Variants in BFSP2 observed in about 807,000 individuals in gnomAD.
The protein encoded by BFSP2 is beaded filament structural protein 2, also known as phakinin.
BFSP2 carries 38 observed loss-of-function variants against 44.9 expected under a neutral mutation model. That is an observed-to-expected ratio of 0.85 (90% CI 0.65 to 1.11). The LOEUF is 1.11. BFSP2 is among the 50% of genes least tolerant of loss of function. The pLI, the probability that BFSP2 is intolerant of heterozygous loss-of-function variation, is 0.00. For missense variants in BFSP2, 525 were observed against 533.0 expected (o/e 0.99, Z 0.15); for synonymous variants, 197 against 209.9 (o/e 0.94, Z 0.53).
At chr3:133,462,514 A>G (rs975377120) in intron 4 of BFSP2, among the ~76,000 whole-genome samples, 3 of 152,190 alleles carry the variant, frequency 2.0e-5, no homozygotes, top group Admixed American at 1.3e-4. Flanking sequence ...AAGGCTTTGA[A>G]ACTTGCCTCC....
chr3:133,452,654 G>A (rs1175689377), intron 4 of BFSP2, among the ~76,000 whole-genome samples: 1 of 152,122 alleles, frequency 6.6e-6, no homozygotes, highest in African/African-American at 2.4e-5. Flanking sequence ...GACTTCCCAC[G>A]ATCACACAGC....
intron 1 of BFSP2, among the ~76,000 whole-genome samples, chr3:133,440,737 C>T (rs1001186869): frequency 6.6e-6 from 1 of 152,168 alleles, no homozygotes; most frequent in African/African-American, 2.4e-5. Context: ...GTTTGCCCAA[C>T]AATGGCAAAT....
At chr3:133,415,371 A>G (rs1159213410) in intron 1 of BFSP2, among the ~76,000 whole-genome samples, 138 of 7,606 alleles carry the variant, frequency 0.018, 1 homozygote, top group East Asian at 0.028. Flanking sequence ...CCTCTACTCA[A>G]CCCTGCCCTC....
rs2073926308 is a variant in BFSP2, at chr3:133,448,627, A to G, written c.711A>G (p.Leu237=). ...IESLKEELGS[L]SRNYEEDVKL... is the part of the protein sequence containing the mutation. ...GTCTGAAAGAAGAACTTGGCTCTCT[A>G]TCAAGAAACTATGAAGAGGTAGGAG... The change falls in exon 3 of 7, where the codon CTA becomes CTG. Residue 237 remains leucine, a synonymous_variant. Transcript: ENST00000302334. The G allele has an allele frequency of 1.2e-6, 2 of 1,613,846 alleles. No individual in the cohort carries two copies. Among genetic ancestry groups the G allele is most frequent in the African/African-American group, 1.3e-5 (1 of 74,930 alleles).
At chr3:133,461,178 G>A (rs773806510) in intron 4 of BFSP2, among the ~76,000 whole-genome samples, 2 of 152,136 alleles carry the variant, frequency 1.3e-5, no homozygotes, top group Non-Finnish European at 2.9e-5. Context: ...CTTGGAGATG[G>A]TTCTTTTCCT....
At chr3:133,472,315 C>A (rs772862307) in intron 5 of BFSP2, 30 bp from the exon 6 acceptor site, 5 of 1,593,200 alleles carry the variant, frequency 3.1e-6, no homozygotes, top group East Asian at 4.5e-5. Flanking sequence ...CTGTTGTCCT[C>A]GGGTTTGGAC....
chr3:133,445,422 G>A (rs1425590716), intron 1 of BFSP2: 9 of 152,204 alleles, frequency 5.9e-5, no homozygotes, highest in Admixed American at 4.6e-4. Context: ...GATTCTGATA[G>A]GTCCATCTGA....
At chr3:133,417,714 C>A (rs2073554283) in intron 1 of BFSP2, among the ~76,000 whole-genome samples, 1 of 147,002 alleles carries the variant, frequency 6.8e-6, no homozygotes, top group Non-Finnish European at 1.5e-5. Flanking sequence ...CTACTCACCC[C>A]TGCCATCTCC....
At chr3:133,403,559 A>G (rs1193717190) in intron 1 of BFSP2, among the ~76,000 whole-genome samples, 1 of 152,234 alleles carries the variant, frequency 6.6e-6, no homozygotes, top group African/African-American at 2.4e-5. Context: ...TCAGTCACTC[A>G]ATAGCACGGT....
Position 133,472,951 on chromosome 3 carries a change from C to CTT in BFSP2, c.1244+399_1244+400dup, listed in dbSNP as rs745554127. ...AATGTGCACTCAAAACCCTGCGCAT[C>CTT]TTTTTTTTTTTTTTGGATACAGGGT... On this transcript the variant is annotated intron_variant, in intron 6 of 6. Transcript: ENST00000302334. 3.5e-3 allele frequency among the ~76,000 whole-genome samples: 499 copies of CTT among 142,114 alleles called. 5 individuals are homozygous for CTT. Among genetic ancestry groups the CTT allele is most frequent in the African/African-American group, 9.5e-3 (369 of 38,906 alleles). 93.2% of individuals were successfully genotyped at this position (142,114 alleles called of 152,430 possible). A position where few individuals can be genotyped will look rare whatever the true frequency, so the allele number is the denominator to read the frequency against.
At position 133,418,838 on chromosome 3, in the gene BFSP2, G is replaced by A. The variant is rs542233950; in HGVS notation, c.489+18266G>A. ...GCCTCTGATATGACCCTTGTGTTGC[G>A]TGACGTCTGCAAACGTTAACAAGAA... is the stretch of plus-strand genomic sequence containing the variant. On this transcript the variant is annotated intron_variant, in intron 1 of 6. Transcript: ENST00000302334. Among the ~76,000 whole-genome samples, 145 of 152,280 alleles carry A rather than the reference G, an allele frequency of 9.5e-4. 1 individual carries two copies. Among genetic ancestry groups the A allele is most frequent in the African/African-American group, 3.2e-3 (131 of 41,544 alleles).
intron 4 of BFSP2, among the ~76,000 whole-genome samples, chr3:133,460,618 T>C (rs1176075684): frequency 6.6e-6 from 1 of 152,198 alleles, no homozygotes; most frequent in Non-Finnish European, 1.5e-5. Flanking sequence ...GAGAGGCCTT[T>C]GTCCCCGGGG....
At chr3:133,422,457 T>A (rs1302473734) in intron 1 of BFSP2, among the ~76,000 whole-genome samples, 3 of 152,180 alleles carry the variant, frequency 2.0e-5, no homozygotes, top group Non-Finnish European at 4.4e-5. Flanking sequence ...CACTTCTGTG[T>A]ACCCTGAGAT....
At chr3:133,403,967 C>G (rs1311855275) in intron 1 of BFSP2, among the ~76,000 whole-genome samples, 2 of 146,904 alleles carry the variant, frequency 1.4e-5, no homozygotes, top group Non-Finnish European at 3.0e-5. Flanking sequence ...CACACCATGG[C>G]AGAATCAGGA....
chr3:133,457,695 T>G (rs1375854298), intron 4 of BFSP2, among the ~76,000 whole-genome samples: 1 of 152,242 alleles, frequency 6.6e-6, no homozygotes, highest in East Asian at 1.9e-4. Context: ...AATAAAGTTT[T>G]ATTGGAACAT....
At chr3:133,453,304 T>C (rs904992618) in intron 4 of BFSP2, among the ~76,000 whole-genome samples, 3 of 152,232 alleles carry the variant, frequency 2.0e-5, no homozygotes, top group African/African-American at 7.2e-5. Flanking sequence ...CACACAGCTT[T>C]CAAAAGCTTT....
chr3:133,420,000 C>T (rs897881405), intron 1 of BFSP2, among the ~76,000 whole-genome samples: 14 of 152,348 alleles, frequency 9.2e-5, no homozygotes, highest in African/African-American at 3.4e-4. Flanking sequence ...CCCCTGCCCC[C>T]GACAGGGGCG....
At chr3:133,469,767 G>T (rs1436307249) in intron 5 of BFSP2, among the ~76,000 whole-genome samples, 4 of 152,240 alleles carry the variant, frequency 2.6e-5, no homozygotes, top group Non-Finnish European at 5.9e-5. Flanking sequence ...GGACTTAGGT[G>T]GGGAAGCTGG....
intron 4 of BFSP2, among the ~76,000 whole-genome samples, chr3:133,456,296 G>A (rs191412183): frequency 6.6e-6 from 1 of 152,202 alleles, no homozygotes; most frequent in Non-Finnish European, 1.5e-5. Context: ...GAAGACAAGT[G>A]AATAGATTGA....
Sources: allele counts gnomAD v4.1 joint callset (sites outside exome capture counted in the v4.1 genomes callset), GRCh38; gene constraint gnomAD v4.1.1; transcripts MANE v1.5; gene names NCBI Gene and HGNC (gene_info 2026-07-23, HGNC 2026-07-21).